RABGAP1L: variants seen among roughly 807,000 people sequenced by gnomAD.
RABGAP1L encodes RAB GTPase activating protein 1 like.
Under a neutral mutation model 137.7 loss-of-function variants are expected in RABGAP1L, and 63 were observed. That is an observed-to-expected ratio of 0.46 (90% CI 0.37 to 0.56). The LOEUF (loss-of-function observed/expected upper bound fraction) is 0.56. Among genes scored for constraint, RABGAP1L ranks in the 20% least tolerant of loss-of-function variants. The pLI, the probability that RABGAP1L is intolerant of heterozygous loss-of-function variation, is 0.00. For missense variants in RABGAP1L, 1,095 were observed against 1,244.0 expected, an observed-to-expected ratio of 0.88 and a Z score of 1.80; for synonymous variants, 431 against 433.7, an observed-to-expected ratio of 0.99 and a Z score of 0.08.
At chr1:174,544,239 G>A (rs1310149010) in intron 13 of RABGAP1L, among the ~76,000 whole-genome samples, 1 of 152,122 alleles carries the variant, frequency 6.6e-6, no homozygotes, top group African/African-American at 2.4e-5. Flanking sequence ...CACCAGTCAG[G>A]TGTAGATTTG....
At chr1:174,190,716 A>T (rs1248136722) in intron 1 of RABGAP1L, among the ~76,000 whole-genome samples, 1 of 152,210 alleles carries the variant, frequency 6.6e-6, no homozygotes, top group Non-Finnish European at 1.5e-5. Flanking sequence ...AAAGAACTTT[A>T]TCTTTGCATT....
intron 10 of RABGAP1L, among the ~76,000 whole-genome samples, chr1:174,290,721 A>G (rs1024295910): frequency 6.7e-5 from 10 of 148,228 alleles, no homozygotes; most frequent in Admixed American, 2.0e-4. Context: ...TATTAGCCAT[A>G]TTTCCCGCAA....
rs1166052788 is a variant in RABGAP1L, at chr1:174,448,125, G to A, written c.1710+53980G>A. 6.2e-7 allele frequency: 1 copy of A among 1,611,768 alleles called. No homozygotes were observed. Among genetic ancestry groups the A allele is most frequent in the African/African-American group, 1.3e-5 (1 of 74,834 alleles). On this transcript the variant is annotated intron_variant, in intron 13 of 25. Coordinates refer to ENST00000681986, the MANE Select transcript of RABGAP1L (RefSeq NM_001366446.1). The surrounding 1 kb of genome is among the most constrained non-coding windows in gnomAD (Gnocchi z 4.2). ...AATTTCCAAGCCATGAATGAATCCA[G>A]GTGGACTGAATGGAGGATCCTGAAC... is the stretch of plus-strand genomic sequence containing the variant.
intron 11 of RABGAP1L, among the ~76,000 whole-genome samples, chr1:174,309,968 A>G (rs1678663779): frequency 6.6e-6 from 1 of 152,134 alleles, no homozygotes; most frequent in Admixed American, 6.5e-5. Context: ...GTTAGAATTC[A>G]GCGATGGAGC....
At chr1:174,617,000 A>C (rs988193778) in intron 13 of RABGAP1L, among the ~76,000 whole-genome samples, 4 of 152,210 alleles carry the variant, frequency 2.6e-5, no homozygotes, top group African/African-American at 9.6e-5. Flanking sequence ...TTCCCTTGAA[A>C]GTGTGGAGAG....
chr1:174,988,593 T>A, intron 24 of RABGAP1L, 48 bp from the exon 25 acceptor site: 1 of 1,393,098 alleles, frequency 7.2e-7, no homozygotes, highest in Non-Finnish European at 9.4e-7. Flanking sequence ...GAAGGTGATT[T>A]AGCCTATGGA....
intron 1 of RABGAP1L, among the ~76,000 whole-genome samples, chr1:174,194,026 G>T (rs1368269663): frequency 6.6e-6 from 1 of 151,988 alleles, no homozygotes; most frequent in East Asian, 1.9e-4. Context: ...ACGTGTTCAG[G>T]GTCATTAAAC....
chr1:174,324,438 GT>G, intron 11 of RABGAP1L, among the ~76,000 whole-genome samples: 1 of 152,254 alleles, frequency 6.6e-6, no homozygotes, highest in East Asian at 1.9e-4. Context: ...GGAAGTGTGG[GT>G]TTGGAGGTGG....
intron 13 of RABGAP1L, among the ~76,000 whole-genome samples, chr1:174,444,483 C>CT (rs1310452664): frequency 2.0e-5 from 3 of 152,124 alleles, no homozygotes; most frequent in African/African-American, 7.2e-5. Flanking sequence ...ATTCTCTCCT[C>CT]TTAACTTTTT....
At chr1:174,476,248 G>T (rs953341484) in intron 13 of RABGAP1L, among the ~76,000 whole-genome samples, 1 of 151,990 alleles carries the variant, frequency 6.6e-6, no homozygotes, top group Non-Finnish European at 1.5e-5. Context: ...AATTAATGTT[G>T]CCTATGCTAT....
At chr1:174,650,046 G>A (rs566721711) in intron 14 of RABGAP1L, among the ~76,000 whole-genome samples, 1 of 152,240 alleles carries the variant, frequency 6.6e-6, no homozygotes, top group Non-Finnish European at 1.5e-5. Context: ...AGCATGAAGT[G>A]TTGTTGAATT....
At chr1:174,174,350 C>T (rs1665665761) in intron 1 of RABGAP1L, among the ~76,000 whole-genome samples, 1 of 152,238 alleles carries the variant, frequency 6.6e-6, no homozygotes, top group African/African-American at 2.4e-5. Flanking sequence ...GCTGTGCTCT[C>T]TGTTACCAAG....
intron 13 of RABGAP1L, among the ~76,000 whole-genome samples, chr1:174,432,117 C>T (rs1010659875): frequency 2.6e-5 from 4 of 152,116 alleles, no homozygotes; most frequent in African/African-American, 9.7e-5. Context: ...CTCTCTCCTT[C>T]CTAACTCTAT....
At chr1:174,251,345 A>G (rs1321397951) in intron 6 of RABGAP1L, among the ~76,000 whole-genome samples, 1 of 151,026 alleles carries the variant, frequency 6.6e-6, no homozygotes, top group Non-Finnish European at 1.5e-5. Flanking sequence ...TGGTTTGACC[A>G]CCACTTAATT....
At chr1:174,620,493 C>T (rs910844623) in intron 13 of RABGAP1L, among the ~76,000 whole-genome samples, 5 of 152,202 alleles carry the variant, frequency 3.3e-5, no homozygotes, top group African/African-American at 1.2e-4. Context: ...CTCAAAATCA[C>T]TCAACTACAT....
At chr1:174,674,739 T>G (rs1677466936) in intron 14 of RABGAP1L, among the ~76,000 whole-genome samples, 1 of 151,960 alleles carries the variant, frequency 6.6e-6, no homozygotes, top group African/African-American at 2.4e-5. Context: ...CCACATCCTC[T>G]CCAGCACCTG....
chr1:174,367,279 T>C (rs1684724670), intron 11 of RABGAP1L: 7 of 152,508 alleles, frequency 4.6e-5, no homozygotes, highest in Admixed American at 4.6e-4. Flanking sequence ...TGCCGTGTTT[T>C]AAAGAATGAA....
At position 174,306,979 on chromosome 1, in the gene RABGAP1L, C is replaced by A. The variant is rs192671868; in HGVS notation, c.1465+1852C>A. Among the ~76,000 whole-genome samples the A allele has an allele frequency of 1.3e-4, 20 of 152,124 alleles. No homozygotes were observed. The East Asian group carries it at 3.9e-3, about 29-fold the overall frequency. On this transcript the variant is annotated intron_variant, in intron 11 of 25. Transcript: ENST00000681986. ...ATGAAACTGTTTTTTTCTATGATTG[C>A]CATAAACATAATAATTATTTTTAGC...
At chr1:174,203,435 C>A (rs1010134730) in intron 1 of RABGAP1L, among the ~76,000 whole-genome samples, 5 of 152,148 alleles carry the variant, frequency 3.3e-5, no homozygotes, top group African/African-American at 1.2e-4. Flanking sequence ...GGCCTTATTT[C>A]TGGGCTCTCT....
Sources: gnomAD v4.1 joint callset for allele counts (sites outside exome capture counted in the v4.1 genomes callset) on GRCh38, gnomAD v4.1.1 for gene constraint, Gnocchi (gnomAD v3.1) non-coding constraint, MANE v1.5 for transcripts, NCBI Gene and HGNC (gene_info 2026-07-23, HGNC 2026-07-21) for gene names.